Variants in DLGAP2 observed in about 807,000 individuals in gnomAD.
The protein encoded by DLGAP2 is disks large-associated protein 2.
DLGAP2 carries 26 observed loss-of-function variants against 100.3 expected under a neutral mutation model. The observed-to-expected ratio is 0.26, with a 90% CI of 0.19 to 0.36. The LOEUF (loss-of-function observed/expected upper bound fraction) is 0.36. Among genes scored for constraint, DLGAP2 ranks in the 10% least tolerant of loss-of-function variants. The probability of loss-of-function intolerance (pLI) is 1.00; values close to 1 mark genes in which losing one functional copy is unlikely to be tolerated. For synonymous variants in DLGAP2, 886 were observed against 630.1 expected, an observed-to-expected ratio of 1.41 and a Z score of -6.08; for missense variants, 1,858 against 1,453.2, an observed-to-expected ratio of 1.28 and a Z score of -4.53.
chr8:1,200,346 C>G (rs1445007139), intron 2 of DLGAP2, among the ~76,000 whole-genome samples: 1 of 152,208 alleles, frequency 6.6e-6, no homozygotes, highest in East Asian at 1.9e-4. Context: ...GCCCCGGCTC[C>G]TAATTCATCT....
At chr8:1,552,801 G>A (rs1267930645) in intron 5 of DLGAP2, among the ~76,000 whole-genome samples, 2 of 152,228 alleles carry the variant, frequency 1.3e-5, no homozygotes, top group Admixed American at 1.3e-4. Flanking sequence ...TTTGTACAGA[G>A]TATGTGGTTC....
chr8:751,392 A>G (rs1443259674), intron 1 of DLGAP2, among the ~76,000 whole-genome samples: 1 of 152,142 alleles, frequency 6.6e-6, no homozygotes, highest in South Asian at 2.1e-4. Flanking sequence ...GGCTGCTGCA[A>G]GTTTCTGACA....
At chr8:1,003,274 A>G (rs1290257527) in intron 2 of DLGAP2, 1 of 152,208 alleles carries the variant, frequency 6.6e-6, no homozygotes, top group Non-Finnish European at 1.5e-5. Context: ...TCACTCCTGC[A>G]TCCCATCCCC....
At chr8:1,231,878 A>T (rs1239922979) in intron 2 of DLGAP2, among the ~76,000 whole-genome samples, 2 of 152,180 alleles carry the variant, frequency 1.3e-5, no homozygotes, top group Non-Finnish European at 2.9e-5. Flanking sequence ...TGACAAGTTC[A>T]GTCATACCCC....
intron 2 of DLGAP2, among the ~76,000 whole-genome samples, chr8:1,004,836 A>G (rs576685376): frequency 2.0e-5 from 3 of 152,216 alleles, no homozygotes; most frequent in Non-Finnish European, 4.4e-5. Flanking sequence ...ATGTCAAGGC[A>G]TTATCATATG....
chr8:1,274,717 TTTTTTTTG>T (rs1447855247), intron 3 of DLGAP2, among the ~76,000 whole-genome samples: 20 of 121,394 alleles, frequency 1.6e-4, no homozygotes, highest in East Asian at 8.1e-4. Flanking sequence ...TTTTTTTTTT[TTTTTTTTG>T]CCGTAATTGT....
intron 2 of DLGAP2, among the ~76,000 whole-genome samples, chr8:1,242,737 T>C (rs1290116182): frequency 6.6e-6 from 1 of 152,116 alleles, no homozygotes; most frequent in African/African-American, 2.4e-5. Context: ...GATGTATGTA[T>C]GGACAGATGG....
intron 2 of DLGAP2, among the ~76,000 whole-genome samples, chr8:1,252,532 A>G (rs116188202): frequency 0.024 from 3,640 of 152,222 alleles, 140 homozygotes; most frequent in African/African-American, 0.082. Context: ...TGGTGTTGTC[A>G]CGTGGTGTGT....
At chr8:765,661 T>A (rs961422637) in intron 1 of DLGAP2, among the ~76,000 whole-genome samples, 2 of 152,128 alleles carry the variant, frequency 1.3e-5, no homozygotes, top group Non-Finnish European at 2.9e-5. Flanking sequence ...AGGGTCACGT[T>A]TGGGACCTCT....
chr8:1,536,182 G>C (rs1050461999), intron 4 of DLGAP2, among the ~76,000 whole-genome samples: 2 of 152,132 alleles, frequency 1.3e-5, no homozygotes, highest in African/African-American at 4.8e-5. Context: ...ACAGAAGCCA[G>C]GGCACCGTGG....
intron 2 of DLGAP2, among the ~76,000 whole-genome samples, chr8:939,014 A>C (rs1223401545): frequency 6.6e-6 from 1 of 152,272 alleles, no homozygotes; most frequent in East Asian, 1.9e-4. Flanking sequence ...GCAGCAGAGC[A>C]GCCACCGGCA....
chr8:1,235,205 A>C (rs375261576), intron 2 of DLGAP2, among the ~76,000 whole-genome samples: 9 of 94,952 alleles, frequency 9.5e-5, no homozygotes, highest in Non-Finnish European at 1.3e-4. Context: ...ACATGGCGTC[A>C]TGTCTAGTTC....
chr8:1,309,664 T>C (rs1800568034), intron 3 of DLGAP2, among the ~76,000 whole-genome samples: 1 of 152,222 alleles, frequency 6.6e-6, no homozygotes, highest in Admixed American at 6.5e-5. Context: ...CGATGGTGAA[T>C]ACAGGGACGA....
chr8:993,887 T>G (rs550458801), intron 2 of DLGAP2, among the ~76,000 whole-genome samples: 2 of 151,624 alleles, frequency 1.3e-5, no homozygotes, highest in South Asian at 4.2e-4. Flanking sequence ...AGCTGTGTCG[T>G]TTCAGCTACT....
In DLGAP2 at chr8:1,548,650, C is replaced by G; in HGVS notation, c.197C>G (p.Thr66Arg). Residue 66 changes from threonine (T) to arginine (R), a missense_variant, in exon 5 of 15, where the codon ACG becomes AGG. By Grantham distance (71) the Thr-to-Arg change is moderately conservative. Coordinates refer to ENST00000637795, the MANE Select transcript of DLGAP2 (RefSeq NM_001346810.2). ...DLDPQYSWSPTQHFNEERYSP... is the reference protein window; with the variant it reads ...DLDPQYSWSPRQHFNEERYSP... The stretch of plus-strand genomic sequence containing the variant: ...GACCCGCAGTACTCATGGTCGCCCA[C>G]GCAGCACTTCAATGAGGAGCGCTAC... 7.0e-6 allele frequency: 11 copies of G among 1,567,912 alleles called. No homozygotes were observed. The highest frequency in any genetic ancestry group is 9.5e-6 in the Non-Finnish European group (11 of 1,158,038).
intron 2 of DLGAP2, among the ~76,000 whole-genome samples, chr8:917,523 C>G (rs1254242080): frequency 2.6e-5 from 4 of 152,144 alleles, no homozygotes; most frequent in African/African-American, 7.2e-5. Flanking sequence ...CAGGTGCGAG[C>G]TACTGCACCC....
intron 1 of DLGAP2, among the ~76,000 whole-genome samples, chr8:834,898 T>C (rs532444473): frequency 5.3e-5 from 8 of 152,296 alleles, no homozygotes; most frequent in Non-Finnish European, 7.3e-5. Context: ...AAAACAAACT[T>C]TCTAGAATGA....
intron 2 of DLGAP2, among the ~76,000 whole-genome samples, chr8:940,627 G>A (rs961196272): frequency 3.0e-4 from 46 of 152,116 alleles, no homozygotes; most frequent in African/African-American, 1.1e-3. Context: ...CGTTTTCGGG[G>A]GAAGGGGGAA....
At chr8:989,829 C>G (rs1800603618) in intron 2 of DLGAP2, among the ~76,000 whole-genome samples, 1 of 152,100 alleles carries the variant, frequency 6.6e-6, no homozygotes, top group African/African-American at 2.4e-5. Context: ...GGCTATGTGG[C>G]TTTGGAGGAA....
Sources: gnomAD v4.1 joint callset for allele counts (sites outside exome capture counted in the v4.1 genomes callset) on GRCh38, gnomAD v4.1.1 for gene constraint, MANE v1.5 for transcripts, NCBI Gene and HGNC (gene_info 2026-07-23, HGNC 2026-07-21) for gene names.